Variants in MYZAP observed in about 807,000 individuals in gnomAD.
MYZAP encodes GRINL1A complex locus upstream.
In MYZAP, 66 loss-of-function variants were observed where a neutral mutation model predicts 69.4. That is an observed-to-expected ratio of 0.95 (90% CI 0.78 to 1.17). The LOEUF is 1.17. MYZAP is among the 50% of genes most tolerant of loss of function. The pLI, the probability that MYZAP is intolerant of heterozygous loss-of-function variation, is 0.00. For synonymous variants in MYZAP, 256 were observed against 205.9 expected (o/e 1.24, Z -2.09); for missense variants, 611 against 556.2 (o/e 1.10, Z -0.99).
rs913888578 is a variant in MYZAP, at chr15:57,657,842, G to A, written c.1120-3608G>A. Among the ~76,000 whole-genome samples, 5 of 152,100 alleles carry A rather than the reference G, an allele frequency of 3.3e-5. No homozygotes were observed. In the East Asian group the frequency reaches 7.7e-4, roughly 23 times the overall value. Reference sequence around the variant, plus strand: ...TATTTATTGCTAAATTGCCTGAAGGGTCATACTAATTCACAATGCCACCTG... The same window carrying A: ...TATTTATTGCTAAATTGCCTGAAGGATCATACTAATTCACAATGCCACCTG... On this transcript the variant is annotated intron_variant, in intron 10 of 12. Transcript: ENST00000267853.
intron 10 of MYZAP, among the ~76,000 whole-genome samples, chr15:57,655,369 T>C (rs1280252400): frequency 6.6e-6 from 1 of 152,026 alleles, no homozygotes; most frequent in Non-Finnish European, 1.5e-5. Flanking sequence ...GAAATGAAAG[T>C]GGGAAAATAG....
intron 10 of MYZAP, among the ~76,000 whole-genome samples, chr15:57,649,592 A>G (rs79348535): frequency 0.019 from 2,951 of 152,274 alleles, 42 homozygotes; most frequent in Non-Finnish European, 0.03. Context: ...TCTACATCTT[A>G]TCAATATTAA....
intron 10 of MYZAP, chr15:57,648,606 T>C (rs1295570203): frequency 6.1e-6 from 2 of 327,864 alleles, no homozygotes; most frequent in South Asian, 1.2e-4. Context: ...CAAATAATGA[T>C]GGTGCTGCAC....
Position 57,592,097 on chromosome 15 carries a change from G to C in MYZAP, c.63G>C (p.Ala21=). 5 of 1,369,602 alleles carry C rather than the reference G, an allele frequency of 3.7e-6. No homozygotes were observed. Among genetic ancestry groups the C allele is most frequent in the Non-Finnish European group, 4.7e-6 (5 of 1,066,360 alleles). The allele number at this position is 1,369,602 out of a possible 1,614,324, so 84.8% of individuals were successfully genotyped here. The change falls in exon 1 of 13, where the codon GCG becomes GCC. Residue 21 remains alanine, a synonymous_variant. Coordinates refer to ENST00000267853, the MANE Select transcript of MYZAP (RefSeq NM_001018100.5). ...GCGGCGCCGCCAGGACGCCCGGGGCGCCCAGCAGGAGGGTGAGTAGCGGGG... is the reference window on the plus strand; with the variant it reads ...GCGGCGCCGCCAGGACGCCCGGGGCCCCCAGCAGGAGGGTGAGTAGCGGGG... ...LSGGAARTPG[A]PSRRANVCRL... is the part of the protein sequence containing the mutation.
At chr15:57,627,463 G>C (rs2036224017) in intron 5 of MYZAP, among the ~76,000 whole-genome samples, 1 of 151,818 alleles carries the variant, frequency 6.6e-6, no homozygotes, top group African/African-American at 2.4e-5. Flanking sequence ...CTCACAGCAG[G>C]AAACTCAACC....
At chr15:57,672,519 T>C (rs1290957212) in intron 11 of MYZAP, among the ~76,000 whole-genome samples, 1 of 26,182 alleles carries the variant, frequency 3.8e-5, no homozygotes, top group Admixed American at 6.5e-4. Flanking sequence ...TGCATACTCC[T>C]CTCACTGCAA....
intron 4 of MYZAP, 44 bp from the exon 5 acceptor site, chr15:57,625,735 G>C: frequency 6.4e-7 from 1 of 1,574,634 alleles, no homozygotes; most frequent in Non-Finnish European, 8.7e-7. Context: ...TGTCGTGAAC[G>C]TGTAGGGATT....
chr15:57,624,576 A>G (rs1310722366), intron 4 of MYZAP, among the ~76,000 whole-genome samples: 1 of 152,182 alleles, frequency 6.6e-6, no homozygotes, highest in South Asian at 2.1e-4. Context: ...GACACCAATG[A>G]CTGTCATCAA....
At chr15:57,599,436 A>C in intron 1 of MYZAP, 1 of 1,144,190 alleles carries the variant, frequency 8.7e-7, no homozygotes, top group Non-Finnish European at 1.1e-6. Flanking sequence ...ACTGAGTAAT[A>C]AAGTATGCTG....
chr15:57,672,565 G>C (rs1203040876), intron 11 of MYZAP, among the ~76,000 whole-genome samples: 5 of 152,152 alleles, frequency 3.3e-5, no homozygotes, highest in Non-Finnish European at 5.9e-5. Flanking sequence ...TAATTGCAGT[G>C]GTCTTCCTGC....
At chr15:57,679,503 A>G (rs114277306) in intron 12 of MYZAP, among the ~76,000 whole-genome samples, 86 of 151,996 alleles carry the variant, frequency 5.7e-4, no homozygotes, top group African/African-American at 2.0e-3. Context: ...CATACTAGGC[A>G]CTCAATATTT....
At chr15:57,619,683 T>A (rs1271293211) in intron 3 of MYZAP, among the ~76,000 whole-genome samples, 1 of 152,206 alleles carries the variant, frequency 6.6e-6, no homozygotes. Context: ...TTCAGAATAT[T>A]CAATTCCTGA....
Position 57,684,678 on chromosome 15 carries a change from A to G in MYZAP, c.*180A>G. 1 of 547,114 alleles carries G rather than the reference A, an allele frequency of 1.8e-6. No homozygotes were observed. Among genetic ancestry groups the G allele is most frequent in the Non-Finnish European group, 3.2e-6 (1 of 310,936 alleles). 33.9% of individuals were successfully genotyped at this position (547,114 alleles called of 1,614,324 possible). On this transcript the variant is annotated 3_prime_UTR_variant, in exon 13 of 13. Transcript: ENST00000267853. ...AAAGTGAAGGCAGAGTGAGCAGGTA[A>G]GAGAGGGATATACAAGGTCACATTT...
intron 2 of MYZAP, among the ~76,000 whole-genome samples, chr15:57,604,852 T>C (rs1347110175): frequency 6.6e-6 from 1 of 152,208 alleles, no homozygotes; most frequent in Non-Finnish European, 1.5e-5. Flanking sequence ...CAAACATTTT[T>C]GTGACAGCTC....
chr15:57,673,311 A>T (rs527961337), intron 11 of MYZAP, among the ~76,000 whole-genome samples: 45 of 152,302 alleles, frequency 3.0e-4, no homozygotes, highest in African/African-American at 1.1e-3. Context: ...CTAAGAAGGG[A>T]TAAGGCGATG....
intron 1 of MYZAP, among the ~76,000 whole-genome samples, chr15:57,592,488 A>T (rs2033739219): frequency 6.6e-6 from 1 of 152,200 alleles, no homozygotes; most frequent in Non-Finnish European, 1.5e-5. Flanking sequence ...TCTTCCATTA[A>T]TTAAAAGAAA....
intron 1 of MYZAP, among the ~76,000 whole-genome samples, chr15:57,600,502 A>AG (rs2034340637): frequency 6.6e-6 from 1 of 152,234 alleles, no homozygotes. Flanking sequence ...AGCTCATCAT[A>AG]GGAAGTGTGT....
At chr15:57,684,016 A>C (rs1220320190) in intron 12 of MYZAP, among the ~76,000 whole-genome samples, 2 of 151,958 alleles carry the variant, frequency 1.3e-5, no homozygotes, top group Non-Finnish European at 2.9e-5. Context: ...CTGGTCACGA[A>C]CTCCCGACTT....
intron 1 of MYZAP, 63 bp from the exon 2 acceptor site, chr15:57,604,206 C>T: frequency 1.3e-6 from 2 of 1,564,710 alleles, no homozygotes. Context: ...AGCCCAAGGT[C>T]ATCTGGCTCT....
Sources: gnomAD v4.1 joint callset for allele counts (sites outside exome capture counted in the v4.1 genomes callset) on GRCh38, gnomAD v4.1.1 for gene constraint, MANE v1.5 for transcripts, NCBI Gene and HGNC (gene_info 2026-07-23, HGNC 2026-07-21) for gene names.